BCAS3: variants seen among roughly 807,000 people sequenced by gnomAD.
BCAS3 encodes the protein BCAS3 microtubule associated cell migration factor.
A neutral mutation model predicts 116.1 loss-of-function variants in BCAS3; 53 were observed. The ratio of observed to expected loss-of-function variants is 0.46; its 90% CI spans 0.37 to 0.57. The LOEUF (loss-of-function observed/expected upper bound fraction) is 0.57. BCAS3 is among the 20% of genes least tolerant of loss of function. The pLI, the probability that BCAS3 is intolerant of heterozygous loss-of-function variation, is 0.00. For missense variants in BCAS3, 917 were observed against 1,165.4 expected (o/e 0.79, Z 3.10); for synonymous variants, 391 against 408.2 (o/e 0.96, Z 0.51).
chr17:61,037,664 C>A lies in BCAS3; in HGVS notation c.1763-225C>A, dbSNP rs1383897600. Among the ~76,000 whole-genome samples the A allele has an allele frequency of 6.6e-6, 1 of 152,046 alleles. No homozygotes were observed. Among genetic ancestry groups the A allele is most frequent in the African/African-American group, 2.4e-5 (1 of 41,394 alleles). ...ACAGGAGCCTGTAATCCCAGCTACT[C>A]AAGAGGCTGAGGCGGGAGAACCATT... is the stretch of plus-strand genomic sequence containing the variant. On this transcript the variant is annotated intron_variant, in intron 17 of 23. Coordinates refer to ENST00000407086, the MANE Select transcript of BCAS3 (RefSeq NM_017679.5). This position sits in a 1 kb window ranked among gnomAD's most constrained non-coding sequence, Gnocchi z 4.7.
In BCAS3 at chr17:61,213,330, C is replaced by T. The variant is rs1467367516; in HGVS notation, c.2425+128766C>T. Among the ~76,000 whole-genome samples, 6 of 151,856 alleles carry T rather than the reference C, an allele frequency of 4.0e-5. No individual in the cohort carries two copies. Among genetic ancestry groups the T allele is most frequent in the African/African-American group, 7.3e-5 (3 of 41,336 alleles). On this transcript the variant is annotated intron_variant, in intron 22 of 23. Transcript: ENST00000407086. This position sits in a 1 kb window ranked among gnomAD's most constrained non-coding sequence, Gnocchi z 5.4. Reference sequence around the variant, plus strand: ...GATTACAGGCTCCTGCCACCATGCCCGGCTAATTTTTGTATTTTTAGTAGA... The same window carrying T: ...GATTACAGGCTCCTGCCACCATGCCTGGCTAATTTTTGTATTTTTAGTAGA...
intron 21 of BCAS3, among the ~76,000 whole-genome samples, chr17:61,081,523 A>G (rs1485207369): frequency 6.6e-6 from 1 of 152,222 alleles, no homozygotes; most frequent in Non-Finnish European, 1.5e-5. Context: ...TTAGAATATT[A>G]TCCTGTTTAC....
intron 22 of BCAS3, among the ~76,000 whole-genome samples, chr17:61,201,827 C>T (rs1487204432): frequency 1.3e-5 from 2 of 150,088 alleles, no homozygotes; most frequent in Non-Finnish European, 2.9e-5. Context: ...GGCGCAATCT[C>T]GGCTCACTGC....
At chr17:61,092,989 TC>T (rs1267601538) in intron 22 of BCAS3, among the ~76,000 whole-genome samples, 5 of 149,090 alleles carry the variant, frequency 3.4e-5, no homozygotes, top group African/African-American at 1.2e-4. Flanking sequence ...CACTGCAACT[TC>T]CGTCTCCCAG....
chr17:60,716,241 C>CT (rs1325276819), intron 5 of BCAS3, among the ~76,000 whole-genome samples: 4 of 152,048 alleles, frequency 2.6e-5, no homozygotes, highest in African/African-American at 9.7e-5. Context: ...TAGATGTGGT[C>CT]TTTGCTGTCA....
intron 10 of BCAS3, among the ~76,000 whole-genome samples, chr17:60,896,193 C>T (rs916464457): frequency 2.6e-5 from 4 of 152,118 alleles, no homozygotes; most frequent in Non-Finnish European, 4.4e-5. Flanking sequence ...GGCATGGTGG[C>T]GTGTGCCTGT....
rs1463836200 is a variant in BCAS3 at position 61,084,730 on chromosome 17, A to G, written c.2425+166A>G. ...CTGTGCCTATATTTCTTGCTGAACA[A>G]TGCCATGCTTTTAAGCATTCCTAAG... On this transcript the variant is annotated intron_variant, in intron 22 of 23. Coordinates refer to ENST00000407086, the MANE Select transcript of BCAS3 (RefSeq NM_017679.5). The surrounding 1 kb of genome is among the most constrained non-coding windows in gnomAD (Gnocchi z 5.5). Among the ~76,000 whole-genome samples the G allele has an allele frequency of 6.6e-6, 1 of 152,226 alleles. No individual in the cohort carries two copies. Among genetic ancestry groups the G allele is most frequent in the East Asian group, 1.9e-4 (1 of 5,200 alleles).
Position 61,208,202 on chromosome 17 carries a change from C to T in BCAS3, c.2425+123638C>T, listed in dbSNP as rs563950908. On this transcript the variant is annotated intron_variant, in intron 22 of 23. Transcript: ENST00000407086. The surrounding 1 kb of genome is among the most constrained non-coding windows in gnomAD (Gnocchi z 4.5). ...CAGAGACTAGTAACTTCCTATTCCA[C>T]TTTCCTGGGCTTGGTATTTTAGTTA... 6.6e-6 allele frequency among the ~76,000 whole-genome samples: 1 copy of T among 152,240 alleles called. No homozygotes were observed. Among genetic ancestry groups the T allele is most frequent in the Admixed American group, 6.5e-5 (1 of 15,290 alleles).
chr17:61,378,887 G>A lies in BCAS3; in HGVS notation c.2593+10393G>A, dbSNP rs2059464803. ...GGGGCAGAGCTGTAATGGGAGTTTG[G>A]GCTGAGACTCTCCTCTGCATATTTC... On this transcript the variant is annotated intron_variant, in intron 23 of 23. Transcript: ENST00000407086. The surrounding 1 kb of genome is among the most constrained non-coding windows in gnomAD (Gnocchi z 5.8). 1 of 152,236 alleles carries A rather than the reference G, an allele frequency of 6.6e-6. No individual in the cohort carries two copies. The highest frequency in any genetic ancestry group is 1.5e-5 in the Non-Finnish European group (1 of 68,076). The allele number at this position is 152,236 out of a possible 1,614,324, so 9.4% of individuals were successfully genotyped here.
At chr17:61,030,747 T>C (rs2066573891) in intron 16 of BCAS3, among the ~76,000 whole-genome samples, 1 of 152,084 alleles carries the variant, frequency 6.6e-6, no homozygotes, top group Non-Finnish European at 1.5e-5. Context: ...TTAGTAAATA[T>C]GATGTTTTAT....
chr17:61,074,879 A>G (rs760791786), intron 19 of BCAS3, 41 bp from the exon 20 acceptor site: 3 of 1,431,208 alleles, frequency 2.1e-6, no homozygotes, highest in Non-Finnish European at 2.9e-6. Context: ...TTTCCACTGC[A>G]TGGAATGAAG....
chr17:61,088,247 A>G lies in BCAS3; in HGVS notation c.2425+3683A>G, dbSNP rs1249073109. 6.6e-6 allele frequency among the ~76,000 whole-genome samples: 1 copy of G among 152,126 alleles called. No individual in the cohort carries two copies. Among genetic ancestry groups the G allele is most frequent in the East Asian group, 1.9e-4 (1 of 5,200 alleles). ...ACCTAAAATTTGTGGGGGTTAAATA[A>G]TTGTAAGATGTTCCATTGTTGGCTG... is the stretch of plus-strand genomic sequence containing the variant. On this transcript the variant is annotated intron_variant, in intron 22 of 23. Transcript: ENST00000407086. This position sits in a 1 kb window ranked among gnomAD's most constrained non-coding sequence, Gnocchi z 4.2.
At position 61,069,157 on chromosome 17, in the gene BCAS3, A is replaced by T. The variant is rs150727189; in HGVS notation, c.2030-5763A>T. Among the ~76,000 whole-genome samples, 410 of 152,316 alleles carry T rather than the reference A, an allele frequency of 2.7e-3. 1 individual carries two copies. The highest frequency in any genetic ancestry group is 9.3e-3 in the African/African-American group (387 of 41,568). On this transcript the variant is annotated intron_variant, in intron 19 of 23. Coordinates refer to ENST00000407086, the MANE Select transcript of BCAS3 (RefSeq NM_017679.5). ...GTAGAAGGAGAGATGAAAAAGAAGC[A>T]TTGAAAAAAATCATGCAAGACCAAC...
chr17:60,787,561 A>G (rs1266472570), intron 6 of BCAS3, among the ~76,000 whole-genome samples: 3 of 152,140 alleles, frequency 2.0e-5, no homozygotes, highest in African/African-American at 7.2e-5. Flanking sequence ...GAGTATGCTG[A>G]GCAAATAAGT....
intron 4 of BCAS3, among the ~76,000 whole-genome samples, chr17:60,698,957 T>C (rs2036012317): frequency 3.3e-5 from 5 of 152,038 alleles, no homozygotes. Flanking sequence ...CTTGGGAGAC[T>C]GAGGTGGAGA....
intron 14 of BCAS3, among the ~76,000 whole-genome samples, chr17:60,983,560 T>C (rs1054264852): frequency 6.6e-6 from 1 of 152,182 alleles, no homozygotes. Flanking sequence ...GAATCACTTC[T>C]CTATTAGCAG....
intron 9 of BCAS3, among the ~76,000 whole-genome samples, chr17:60,886,678 C>CT (rs1324363055): frequency 6.6e-6 from 1 of 151,978 alleles, no homozygotes; most frequent in African/African-American, 2.4e-5. Context: ...GGACCCTCAG[C>CT]TGCAGGTCTG....
chr17:61,191,135 T>TA (rs922946761), intron 22 of BCAS3, among the ~76,000 whole-genome samples: 3 of 151,008 alleles, frequency 2.0e-5, no homozygotes, highest in East Asian at 1.9e-4. Flanking sequence ...AAAAATAATT[T>TA]AAAAAAAAAT....
rs751096735 is a variant in BCAS3, at chr17:61,029,935, T to C, written c.1638-4731T>C. On this transcript the variant is annotated intron_variant, in intron 16 of 23. Coordinates refer to ENST00000407086, the MANE Select transcript of BCAS3 (RefSeq NM_017679.5). This position sits in a 1 kb window ranked among gnomAD's most constrained non-coding sequence, Gnocchi z 5.2. ...CTTACCTGCCACATTTACACAAATCTGTTAGACCTTTAAGAAAAATTTATG... is the reference window on the plus strand; with the variant it reads ...CTTACCTGCCACATTTACACAAATCCGTTAGACCTTTAAGAAAAATTTATG... 2.0e-5 allele frequency among the ~76,000 whole-genome samples: 3 copies of C among 152,024 alleles called. No homozygotes were observed. The highest frequency in any genetic ancestry group is 2.9e-5 in the Non-Finnish European group (2 of 67,938).
Sources: allele counts gnomAD v4.1 joint callset (sites outside exome capture counted in the v4.1 genomes callset), GRCh38; gene constraint gnomAD v4.1.1; non-coding constraint Gnocchi (gnomAD v3.1); transcripts MANE v1.5; gene names NCBI Gene and HGNC (gene_info 2026-07-23, HGNC 2026-07-21).